KLHL18: variants seen among roughly 807,000 people sequenced by gnomAD.
The protein encoded by KLHL18 is kelch-like protein 18.
A neutral mutation model predicts 58.5 loss-of-function variants in KLHL18; 38 were observed. The observed-to-expected ratio is 0.65, with a 90% confidence interval of 0.50 to 0.85. The LOEUF is 0.85. Ranked by LOEUF, KLHL18 falls within the 40% of genes least tolerant of loss-of-function variation. KLHL18 has a pLI of 0.00. For missense variants in KLHL18, 624 were observed against 778.4 expected (o/e 0.80, Z 2.36); for synonymous variants, 303 against 301.9 (o/e 1.00, Z -0.04).
At chr3:47,295,724 A>G (rs902168529) in intron 1 of KLHL18, among the ~76,000 whole-genome samples, 1 of 151,612 alleles carries the variant, frequency 6.6e-6, no homozygotes, top group African/African-American at 2.4e-5. Flanking sequence ...TGTTGCCACC[A>G]CACTCAGTTA....
Position 47,344,127 on chromosome 3 carries a change from G to T in KLHL18, c.*186G>T, listed in dbSNP as rs1032261510. 6 of 666,110 alleles carry T rather than the reference G, an allele frequency of 9.0e-6. No homozygotes were observed. In the Admixed American group the frequency reaches 1.8e-4, roughly 20 times the overall value. The allele number at this position is 666,110 out of a possible 1,614,324, so 41.3% of individuals were successfully genotyped here. ...CCACCCTTGTGACCTTCAGGCTTGGGTCATCAAGATGCACAGCATGGAACA... is the reference window on the plus strand; with the variant it reads ...CCACCCTTGTGACCTTCAGGCTTGGTTCATCAAGATGCACAGCATGGAACA... On this transcript the variant is annotated 3_prime_UTR_variant, in exon 10 of 10. Coordinates refer to ENST00000232766, the MANE Select transcript of KLHL18 (RefSeq NM_025010.5).
At chr3:47,336,950 C>T in intron 7 of KLHL18, 193 bp downstream of exon 7, 1 of 581,760 alleles carries the variant, frequency 1.7e-6, no homozygotes, top group Non-Finnish European at 3.1e-6. Context: ...TCCACCTTGT[C>T]CTTTGGGGAA....
chr3:47,326,496 CCCT>C (rs1176520545), intron 3 of KLHL18, among the ~76,000 whole-genome samples: 2 of 152,114 alleles, frequency 1.3e-5, no homozygotes, highest in Non-Finnish European at 2.9e-5. Context: ...CCTCATATCT[CCCT>C]CCTCCTCTTG....
chr3:47,318,806 C>T (rs1481865288), intron 1 of KLHL18, among the ~76,000 whole-genome samples: 1 of 152,146 alleles, frequency 6.6e-6, no homozygotes, highest in African/African-American at 2.4e-5. Context: ...GTGGCTCACG[C>T]CTGTTTAATC....
chr3:47,313,211 ATT>A (rs759672291), intron 1 of KLHL18, among the ~76,000 whole-genome samples: 48 of 117,240 alleles, frequency 4.1e-4, no homozygotes, highest in Admixed American at 7.8e-4. Context: ...GCCCGGCCTA[ATT>A]TTTTTTTTTT....
rs1196640860 is a variant in KLHL18 at position 47,301,225 on chromosome 3, C to T, written c.129+18131C>T. On this transcript the variant is annotated intron_variant, in intron 1 of 9. Transcript: ENST00000232766. ...GTTCTTTCACAGAGCAAAAGTTTTT[C>T]GTTGTGATTTAGTCCAATTTTTTTT... is the stretch of plus-strand genomic sequence containing the variant. Among the ~76,000 whole-genome samples, 5 of 151,262 alleles carry T rather than the reference C, an allele frequency of 3.3e-5. No homozygotes were observed. The East Asian group carries it at 7.8e-4, about 23-fold the overall frequency.
chr3:47,324,298 CTTTTTTTTTTTTTTTTTT>C (rs769288621), intron 3 of KLHL18, among the ~76,000 whole-genome samples: 2 of 37,486 alleles, frequency 5.3e-5, no homozygotes, highest in East Asian at 8.9e-4. Flanking sequence ...TTCTTTCTTT[CTTTTTTTTTTTTTTTTTT>C]TTTTTTTTCT....
At position 47,346,543 on chromosome 3, in the gene KLHL18, C is replaced by CT. The variant is rs1165403919; in HGVS notation, c.*2604dup. On this transcript the variant is annotated 3_prime_UTR_variant, in exon 10 of 10. Transcript: ENST00000232766. ...AGGGTAGACATTGTACTCAGTGGGC[C>CT]TTGGGGCCTAGCCCAGCTCTGAGCA... The CT allele has an allele frequency of 2.6e-5, 4 of 152,554 alleles. No individual in the cohort carries two copies. The highest frequency in any genetic ancestry group is 9.6e-5 in the African/African-American group (4 of 41,458). The allele number at this position is 152,554 out of a possible 1,614,324, so 9.5% of individuals were successfully genotyped here.
intron 4 of KLHL18, 137 bp from the exon 5 acceptor site, chr3:47,333,020 C>T (rs1703899503): frequency 3.7e-6 from 3 of 808,020 alleles, no homozygotes; most frequent in Non-Finnish European, 3.9e-6. Context: ...TCAGGGATTT[C>T]AGAGACAAGT....
intron 1 of KLHL18, 189 bp downstream of exon 1, chr3:47,283,283 A>G (rs1702525291): frequency 1.6e-6 from 1 of 617,994 alleles, no homozygotes. Flanking sequence ...GAGGAAGAGG[A>G]CAACCTTTCA....
At chr3:47,325,838 C>T (rs373633295) in intron 3 of KLHL18, among the ~76,000 whole-genome samples, 1 of 151,330 alleles carries the variant, frequency 6.6e-6, no homozygotes, top group Non-Finnish European at 1.5e-5. Flanking sequence ...TTCGTGATCT[C>T]GGCTCACTGC....
chr3:47,327,050 C>G, intron 3 of KLHL18, among the ~76,000 whole-genome samples: 1 of 151,866 alleles, frequency 6.6e-6, no homozygotes, highest in East Asian at 1.9e-4. Context: ...ACCAGCCTGG[C>G]CAACATGGTG....
At chr3:47,306,412 G>C (rs1703149702) in intron 1 of KLHL18, among the ~76,000 whole-genome samples, 1 of 151,980 alleles carries the variant, frequency 6.6e-6, no homozygotes, top group Non-Finnish European at 1.5e-5. Flanking sequence ...TTTTTGACAT[G>C]GTCAGATTCC....
chr3:47,329,631 C>T (rs1703807920), intron 3 of KLHL18, among the ~76,000 whole-genome samples: 1 of 152,184 alleles, frequency 6.6e-6, no homozygotes, highest in Non-Finnish European at 1.5e-5. Context: ...AGTGGTGGAA[C>T]GTCTCAAACA....
intron 1 of KLHL18, among the ~76,000 whole-genome samples, chr3:47,303,954 G>A (rs755725660): frequency 1.3e-5 from 2 of 151,586 alleles, no homozygotes; most frequent in Non-Finnish European, 2.9e-5. Context: ...GTCTCGAACT[G>A]CTAGCCTGAA....
In KLHL18 at chr3:47,311,215, T is replaced by C. The variant is rs542093513; in HGVS notation, c.130-8438T>C. On this transcript the variant is annotated intron_variant, in intron 1 of 9. Transcript: ENST00000232766. ...TAGTAGAGACGGGGTTTTACCATGT[T>C]AGCCAGGATGACCTCGATCTTCTGG... is the stretch of plus-strand genomic sequence containing the variant. 7.2e-5 allele frequency among the ~76,000 whole-genome samples: 11 copies of C among 152,182 alleles called. No individual in the cohort carries two copies. The South Asian group carries it at 1.5e-3, about 20-fold the overall frequency.
intron 1 of KLHL18, among the ~76,000 whole-genome samples, chr3:47,301,658 A>C (rs962580698): frequency 3.3e-5 from 5 of 152,204 alleles, no homozygotes; most frequent in Non-Finnish European, 5.9e-5. Flanking sequence ...GGGGGTTGGA[A>C]TGTTGACCCC....
rs1252693185 is a variant in KLHL18 at position 47,344,168 on chromosome 3, C to A, written c.*227C>A. 1.1e-5 allele frequency: 6 copies of A among 570,298 alleles called. No homozygotes were observed. The highest frequency in any genetic ancestry group is 6.1e-6 in the Non-Finnish European group (2 of 327,572). The allele number at this position is 570,298 out of a possible 1,614,324, so 35.3% of individuals were successfully genotyped here. ...GCATGGAACACAAGCTCCTCTGGAT[C>A]CTGCAGCTGGTGACATGGAACTGTT... On this transcript the variant is annotated 3_prime_UTR_variant, in exon 10 of 10. Coordinates refer to ENST00000232766, the MANE Select transcript of KLHL18 (RefSeq NM_025010.5).
Position 47,321,435 on chromosome 3 carries a change from C to T in KLHL18, c.261-1133C>T, listed in dbSNP as rs145507405. On this transcript the variant is annotated intron_variant, in intron 2 of 9. Transcript: ENST00000232766. ...GATCTCTGTTCACTGCAACAACCTC[C>T]GCCTCTTGGATTCAAGCGATTCTTC... Among the ~76,000 whole-genome samples the T allele has an allele frequency of 3.4e-4, 51 of 152,082 alleles. 1 individual carries two copies. In the East Asian group the frequency reaches 7.9e-3, roughly 24 times the overall value.
Sources: allele counts gnomAD v4.1 joint callset (sites outside exome capture counted in the v4.1 genomes callset), GRCh38; gene constraint gnomAD v4.1.1; transcripts MANE v1.5; gene names NCBI Gene and HGNC (gene_info 2026-07-23, HGNC 2026-07-21).